RERE: variants seen among roughly 807,000 people sequenced by gnomAD.
RERE encodes arginine-glutamic acid dipeptide repeats protein.
Under a neutral mutation model 146.1 loss-of-function variants are expected in RERE, and 40 were observed. The ratio of observed to expected loss-of-function variants is 0.27; its 90% CI spans 0.21 to 0.36. RERE has a LOEUF of 0.36. RERE is among the 10% of genes least tolerant of loss of function. The probability of loss-of-function intolerance (pLI) is 1.00; values close to 1 mark genes in which losing one functional copy is unlikely to be tolerated. For missense variants in RERE, 1,933 were observed against 2,138.7 expected (o/e 0.90, Z 1.90); for synonymous variants, 1,003 against 866.0 (o/e 1.16, Z -2.78).
rs1643948560 is a variant in RERE, at chr1:8,423,581, C to T, written c.1204-774G>A. ...CCCACCTCGGGGCTCCCAGCCTGGT[C>T]CCGGGCGGCCGACCCCAGCAGCCAC... On this transcript the variant is annotated intron_variant, in intron 11 of 22. Transcript: ENST00000400908. The surrounding 1 kb of genome is among the most constrained non-coding windows in gnomAD (Gnocchi z 5.4). 3 of 985,226 alleles carry T rather than the reference C, an allele frequency of 3.0e-6. No individual in the cohort carries two copies. The African/African-American group carries it at 5.2e-5, about 17-fold the overall frequency. 61.0% of individuals were successfully genotyped at this position (985,226 alleles called of 1,614,324 possible).
chr1:8,361,477 G>A lies in RERE; in HGVS notation c.2030C>T (p.Pro677Leu). The change falls in exon 18 of 23, where the codon CCC becomes CTC. Residue 677 changes from proline (P) to leucine (L), a missense_variant. Physicochemically the swap from Pro to Leu is moderately conservative, Grantham distance 98 (BLOSUM62 -3). Coordinates refer to ENST00000400908, the MANE Select transcript of RERE (RefSeq NM_001042681.2). ...KKTKTQEISR[P>L]NSPSEGEGES... Reference sequence around the variant, plus strand: ...TCCCTCACCTTCAGATGGCGAGTTGGGCCTGCTGATCTCCTGGAGTCAGAG... The same window carrying A: ...TCCCTCACCTTCAGATGGCGAGTTGAGCCTGCTGATCTCCTGGAGTCAGAG... 1 of 1,611,492 alleles carries A rather than the reference G, an allele frequency of 6.2e-7. No individual in the cohort carries two copies.
intron 1 of RERE, among the ~76,000 whole-genome samples, chr1:8,736,629 GT>G (rs1376609050): frequency 1.3e-5 from 2 of 152,054 alleles, no homozygotes; most frequent in Non-Finnish European, 2.9e-5. Context: ...ATCTTGGAAT[GT>G]TTGTTACCCT....
At chr1:8,691,436 C>G (rs909668773) in intron 1 of RERE, among the ~76,000 whole-genome samples, 1 of 152,166 alleles carries the variant, frequency 6.6e-6, no homozygotes, top group African/African-American at 2.4e-5. Context: ...AGTGTTCGCA[C>G]AAGTCAATGG....
Position 8,472,365 on chromosome 1 carries a change from G to A in RERE, c.1105-6342C>T, listed in dbSNP as rs1305163996. Among the ~76,000 whole-genome samples the A allele has an allele frequency of 2.6e-5, 4 of 152,236 alleles. 1 individual carries two copies. The highest frequency in any genetic ancestry group is 4.1e-4 in the South Asian group (2 of 4,822). ...CACCTGATCACGACCACACAGCTACGTCTATAGTCAGGAAATTTAACACAG... is the reference window on the plus strand; with the variant it reads ...CACCTGATCACGACCACACAGCTACATCTATAGTCAGGAAATTTAACACAG... On this transcript the variant is annotated intron_variant, in intron 10 of 22. Coordinates refer to ENST00000400908, the MANE Select transcript of RERE (RefSeq NM_001042681.2).
chr1:8,680,181 C>G (rs1362830302), intron 1 of RERE, among the ~76,000 whole-genome samples: 1 of 152,056 alleles, frequency 6.6e-6, no homozygotes, highest in African/African-American at 2.4e-5. Context: ...GCCAGAAAAA[C>G]CTGTTCAGTG....
chr1:8,500,315 G>A (rs1399772441), intron 8 of RERE, among the ~76,000 whole-genome samples: 1 of 152,122 alleles, frequency 6.6e-6, no homozygotes. Flanking sequence ...CCATTCTTGA[G>A]AAAAATGGAC....
chr1:8,499,211 G>A (rs1296968907), intron 8 of RERE, among the ~76,000 whole-genome samples: 1 of 152,272 alleles, frequency 6.6e-6, no homozygotes, highest in Non-Finnish European at 1.5e-5. Context: ...CATGGGACAT[G>A]AAGCCTGGGC....
chr1:8,434,191 G>C (rs1170701398), intron 11 of RERE, among the ~76,000 whole-genome samples: 1 of 152,176 alleles, frequency 6.6e-6, no homozygotes, highest in Non-Finnish European at 1.5e-5. Context: ...TGAAGCGCCA[G>C]GTCTTTCAGT....
At chr1:8,751,156 C>A (rs1422583128) in intron 1 of RERE, 2 of 313,964 alleles carry the variant, frequency 6.4e-6, no homozygotes, top group African/African-American at 2.1e-5. Context: ...CTTCCCAAAA[C>A]AGGTAGTGTT....
intron 8 of RERE, among the ~76,000 whole-genome samples, chr1:8,502,094 G>A (rs1645174271): frequency 1.9e-5 from 1 of 51,424 alleles, no homozygotes; most frequent in Non-Finnish European, 3.8e-5. Flanking sequence ...GGGCGCCTCT[G>A]CCCGGCTGCC....
intron 4 of RERE, among the ~76,000 whole-genome samples, chr1:8,572,409 T>C (rs891518502): frequency 1.3e-5 from 2 of 152,194 alleles, no homozygotes; most frequent in Non-Finnish European, 2.9e-5. Context: ...CTGTGACTCT[T>C]CTATCTATTG....
chr1:8,737,319 A>G (rs2124496916), intron 1 of RERE, among the ~76,000 whole-genome samples: 1 of 152,358 alleles, frequency 6.6e-6, no homozygotes, highest in Non-Finnish European at 1.5e-5. Flanking sequence ...GACAGAGAAA[A>G]AGGAAAATAA....
chr1:8,456,767 T>C (rs1248913885), intron 11 of RERE, among the ~76,000 whole-genome samples: 1 of 152,224 alleles, frequency 6.6e-6, no homozygotes, highest in Non-Finnish European at 1.5e-5. Flanking sequence ...CACTGTTTCC[T>C]TGGCCCAGAA....
intron 1 of RERE, among the ~76,000 whole-genome samples, chr1:8,670,485 A>G (rs1638687266): frequency 2.0e-5 from 3 of 152,192 alleles, no homozygotes; most frequent in Admixed American, 2.0e-4. Flanking sequence ...ACAAACAAGT[A>G]GATTACTACA....
intron 1 of RERE, among the ~76,000 whole-genome samples, chr1:8,782,773 G>A (rs1641188445): frequency 6.6e-6 from 1 of 152,150 alleles, no homozygotes; most frequent in Non-Finnish European, 1.5e-5. Context: ...GGATGTGGTA[G>A]CAGGCACCTG....
At chr1:8,493,186 A>G (rs992836043) in intron 10 of RERE, among the ~76,000 whole-genome samples, 1 of 152,224 alleles carries the variant, frequency 6.6e-6, no homozygotes, top group East Asian at 1.9e-4. Context: ...ACAGACATTC[A>G]TATCTAACCT....
chr1:8,652,195 C>T (rs879339065), intron 2 of RERE, among the ~76,000 whole-genome samples: 1 of 152,178 alleles, frequency 6.6e-6, no homozygotes, highest in African/African-American at 2.4e-5. Flanking sequence ...GCACAGCCCC[C>T]ACTCAAGCAA....
intron 6 of RERE, among the ~76,000 whole-genome samples, chr1:8,541,810 C>G (rs1645804399): frequency 6.6e-6 from 1 of 152,122 alleles, no homozygotes; most frequent in Non-Finnish European, 1.5e-5. Flanking sequence ...CTGCAATGTG[C>G]AACAAATAAA....
chr1:8,398,424 GC>G (rs145621631), intron 12 of RERE, among the ~76,000 whole-genome samples: 2,279 of 152,274 alleles, frequency 0.015, 59 homozygotes, highest in African/African-American at 0.052. Flanking sequence ...ATCACTCAAG[GC>G]CTAGTTCAAG....
Sources: allele counts gnomAD v4.1 joint callset (sites outside exome capture counted in the v4.1 genomes callset), GRCh38; gene constraint gnomAD v4.1.1; non-coding constraint Gnocchi (gnomAD v3.1); transcripts MANE v1.5; gene names NCBI Gene and HGNC (gene_info 2026-07-23, HGNC 2026-07-21).